FARP1: variants seen among roughly 807,000 people sequenced by gnomAD.
FARP1 encodes the protein FERM, ARH/RhoGEF and pleckstrin domain protein 1, also known as FERM, ARHGEF and pleckstrin domain-containing protein 1.
Under a neutral mutation model 128.8 loss-of-function variants are expected in FARP1, and 52 were observed. The observed-to-expected ratio is 0.40, with a 90% CI of 0.32 to 0.51. The LOEUF (loss-of-function observed/expected upper bound fraction) is 0.51. Among genes scored for constraint, FARP1 ranks in the 20% least tolerant of loss-of-function variants. FARP1 has a pLI of 0.45. For missense variants in FARP1, 1,333 were observed against 1,367.9 expected, an observed-to-expected ratio of 0.97 and a Z score of 0.40; for synonymous variants, 580 against 551.8, an observed-to-expected ratio of 1.05 and a Z score of -0.72.
chr13:98,246,881 A>G (rs1013977458), intron 2 of FARP1, among the ~76,000 whole-genome samples: 2 of 152,166 alleles, frequency 1.3e-5, no homozygotes, highest in African/African-American at 4.8e-5. Context: ...CACTTCCTGC[A>G]TACAACCGTC....
At chr13:98,288,802 G>C (rs1885316624) in intron 2 of FARP1, among the ~76,000 whole-genome samples, 1 of 152,130 alleles carries the variant, frequency 6.6e-6, no homozygotes, top group Non-Finnish European at 1.5e-5. Flanking sequence ...TTTCAGCTTT[G>C]GGCGAGATGC....
intron 2 of FARP1, among the ~76,000 whole-genome samples, chr13:98,266,972 C>T (rs1382203608): frequency 1.7e-4 from 24 of 137,376 alleles, no homozygotes; most frequent in African/African-American, 6.7e-4. Context: ...CAAGGTCACA[C>T]CACTGTACTC....
chr13:98,172,955 C>G (rs758506097), intron 1 of FARP1, among the ~76,000 whole-genome samples: 18 of 152,122 alleles, frequency 1.2e-4, no homozygotes, highest in Non-Finnish European at 2.1e-4. Flanking sequence ...CAAAAAGATG[C>G]ATTTGTAGTG....
At chr13:98,249,947 G>A (rs184077017) in intron 2 of FARP1, among the ~76,000 whole-genome samples, 1 of 152,234 alleles carries the variant, frequency 6.6e-6, no homozygotes, top group East Asian at 1.9e-4. Context: ...AAATTCATCA[G>A]GGTTTAGATT....
intron 2 of FARP1, among the ~76,000 whole-genome samples, chr13:98,322,474 C>G (rs542927081): frequency 6.6e-6 from 1 of 152,178 alleles, no homozygotes; most frequent in Middle Eastern, 3.2e-3. Context: ...TCTGGGAGCA[C>G]TGGGATTTGG....
intron 2 of FARP1, among the ~76,000 whole-genome samples, chr13:98,316,764 T>C (rs1018595860): frequency 2.0e-5 from 3 of 152,154 alleles, no homozygotes; most frequent in South Asian, 2.1e-4. Context: ...TCCCCTTCAG[T>C]TGGTTTGAGC....
At chr13:98,229,499 A>G (rs1473644877) in intron 2 of FARP1, among the ~76,000 whole-genome samples, 3 of 150,694 alleles carry the variant, frequency 2.0e-5, no homozygotes, top group Non-Finnish European at 4.4e-5. Context: ...ATAATCTCAG[A>G]TTTCTTTTTT....
rs56030081 is a variant in FARP1 at position 98,309,153 on chromosome 13, C to CTTTTTTTT, written c.172-34586_172-34579dup. The stretch of plus-strand genomic sequence containing the variant: ...TATATTAATATTAATTTTAAGAGGC[C>CTTTTTTTT]TTTTTTTTTTTTTTTTTTTTTTTTT... On this transcript the variant is annotated intron_variant, in intron 2 of 26. Transcript: ENST00000319562. Among the ~76,000 whole-genome samples, 4 of 89,670 alleles carry CTTTTTTTT rather than the reference C, an allele frequency of 4.5e-5. 1 individual carries two copies. The highest frequency in any genetic ancestry group is 4.1e-5 in the Non-Finnish European group (2 of 48,410). The allele number at this position is 89,670 out of a possible 152,430, so 58.8% of individuals were successfully genotyped here.
chr13:98,159,667 C>T (rs990479133), intron 1 of FARP1: 6 of 152,022 alleles, frequency 3.9e-5, no homozygotes, highest in African/African-American at 1.4e-4. Context: ...GATGGGGTTT[C>T]TCTATGTTGG....
intron 23 of FARP1, among the ~76,000 whole-genome samples, 163 bp from the exon 24 acceptor site, chr13:98,440,507 T>C (rs948842939): frequency 7.2e-5 from 11 of 152,328 alleles, no homozygotes; most frequent in Admixed American, 5.9e-4. Context: ...GCTGGGGCTC[T>C]GTGACTGGAG....
chr13:98,235,767 T>G (rs2139423079), intron 2 of FARP1, among the ~76,000 whole-genome samples: 1 of 152,174 alleles, frequency 6.6e-6, no homozygotes, highest in East Asian at 1.9e-4. Context: ...TCTAGGCTCA[T>G]TTTATACACT....
chr13:98,415,703 C>T (rs964172566), intron 16 of FARP1, among the ~76,000 whole-genome samples: 1 of 152,242 alleles, frequency 6.6e-6, no homozygotes, highest in Admixed American at 6.5e-5. Flanking sequence ...GAATGGATCA[C>T]AGGGAAGATT....
At position 98,446,221 on chromosome 13, in the gene FARP1, A is replaced by C. The variant is rs1431110504; in HGVS notation, c.2904+16A>C. On this transcript the variant is annotated intron_variant, in intron 25 of 26. Transcript: ENST00000319562. ...ATCACACCAGGTAAGTGTCTCGCAC[A>C]GGGCAGGTGGCCCTGGGACCTTGGG... 6.4e-7 allele frequency: 1 copy of C among 1,562,242 alleles called. No homozygotes were observed. Among genetic ancestry groups the C allele is most frequent in the South Asian group, 1.1e-5 (1 of 89,638 alleles).
chr13:98,343,287 C>T (rs544040701), intron 2 of FARP1, among the ~76,000 whole-genome samples: 32 of 152,058 alleles, frequency 2.1e-4, no homozygotes, highest in African/African-American at 6.0e-4. Flanking sequence ...GTAATGCAGA[C>T]GGGTCACAAC....
intron 2 of FARP1, among the ~76,000 whole-genome samples, chr13:98,286,960 A>T (rs1885198809): frequency 6.6e-6 from 1 of 152,154 alleles, no homozygotes; most frequent in Non-Finnish European, 1.5e-5. Context: ...CAATTTAATT[A>T]AAAAACTCTC....
chr13:98,263,517 G>A (rs1320298782), intron 2 of FARP1, among the ~76,000 whole-genome samples: 1 of 152,132 alleles, frequency 6.6e-6, no homozygotes, highest in Non-Finnish European at 1.5e-5. Context: ...AGAGAAAAAA[G>A]TTTATGCTCA....
At chr13:98,319,326 T>G (rs1323181351) in intron 2 of FARP1, among the ~76,000 whole-genome samples, 2 of 151,574 alleles carry the variant, frequency 1.3e-5, no homozygotes, top group African/African-American at 2.4e-5. Flanking sequence ...TTATAGAAAA[T>G]AATCAGTTCG....
intron 2 of FARP1, among the ~76,000 whole-genome samples, chr13:98,314,784 G>GCGGGA (rs1369132221): frequency 2.0e-5 from 3 of 152,236 alleles, no homozygotes; most frequent in Non-Finnish European, 2.9e-5. Context: ...TTGTGGTCCT[G>GCGGGA]CGGGACGCAT....
Position 98,151,660 on chromosome 13 carries a change from C to CTTTTTTTTTTTTTTTTTTGTTTTTTTT in FARP1, c.-24+8186_-24+8187insGTTTTTTTTTTTTTTTTTTTTTTTTTT, listed in dbSNP as rs1876012264. 2.9e-5 allele frequency among the ~76,000 whole-genome samples: 2 copies of CTTTTTTTTTTTTTTTTTTGTTTTTTTT among 69,224 alleles called. 1 individual carries two copies. Among genetic ancestry groups the CTTTTTTTTTTTTTTTTTTGTTTTTTTT allele is most frequent in the Non-Finnish European group, 5.5e-5 (2 of 36,158 alleles). The allele number at this position is 69,224 out of a possible 152,430, so 45.4% of individuals were successfully genotyped here. A position where few individuals can be genotyped will look rare whatever the true frequency, so the allele number is the denominator to read the frequency against. On this transcript the variant is annotated intron_variant, in intron 1 of 26. Transcript: ENST00000319562. Reference sequence around the variant, plus strand: ...AAACCTGCCCTTATATATCTTCCATCTTTTTTTTTTTTTTTTTTTGAGACG... The same window carrying CTTTTTTTTTTTTTTTTTTGTTTTTTTT: ...AAACCTGCCCTTATATATCTTCCATCTTTTTTTTTTTTTTTTTTGTTTTTTTTTTTTTTTTTTTTTTTTTTTGAGACG...
Sources: allele counts gnomAD v4.1 joint callset (sites outside exome capture counted in the v4.1 genomes callset), GRCh38; gene constraint gnomAD v4.1.1; transcripts MANE v1.5; gene names NCBI Gene and HGNC (gene_info 2026-07-23, HGNC 2026-07-21).